RNLS: variants seen among roughly 807,000 people sequenced by gnomAD.
RNLS encodes renalase.
A neutral mutation model predicts 39.8 loss-of-function variants in RNLS; 39 were observed. That is an observed-to-expected ratio of 0.98 (90% CI 0.76 to 1.28). RNLS has a LOEUF of 1.28. Ranked by LOEUF, RNLS falls within the 50% of genes most tolerant of loss-of-function variation. The pLI is 0.00. For synonymous variants in RNLS, 147 were observed against 150.7 expected (o/e 0.98, Z 0.18); for missense variants, 410 against 413.3 (o/e 0.99, Z 0.07).
the RNLS span, among the ~76,000 whole-genome samples, chr10:88,194,659 A>T: frequency 6.6e-6 from 1 of 152,212 alleles, no homozygotes; most frequent in Admixed American, 6.5e-5. Context: ...TGTAAACCAC[A>T]TCTTCTGGAG....
intron 4 of RNLS, among the ~76,000 whole-genome samples, chr10:88,503,042 A>G (rs1187003626): frequency 1.3e-5 from 2 of 152,152 alleles, no homozygotes; most frequent in African/African-American, 4.8e-5. Context: ...ATCATTTTTT[A>G]TCTATCACTA....
At chr10:88,387,502 C>CAAAAAAAAAAAAAAAAAAAAAAAAAA (rs5786817) in intron 4 of RNLS, among the ~76,000 whole-genome samples, 2 of 70,114 alleles carry the variant, frequency 2.9e-5, no homozygotes, top group African/African-American at 6.2e-5. Flanking sequence ...GAGAACAGAG[C>CAAAAAAAAAAAAAAAAAAAAAAAAAA]AAAAAAAAAA....
At chr10:88,381,931 A>T (rs1320381416) in intron 4 of RNLS, among the ~76,000 whole-genome samples, 1 of 152,054 alleles carries the variant, frequency 6.6e-6, no homozygotes, top group Non-Finnish European at 1.5e-5. Context: ...AAATTATATG[A>T]AGTTCAAATT....
chr10:88,210,576 C>T, the RNLS span, among the ~76,000 whole-genome samples: 1 of 152,168 alleles, frequency 6.6e-6, no homozygotes, highest in African/African-American at 2.4e-5. Flanking sequence ...GCCTACATGA[C>T]ATTTACCACG....
chr10:88,341,379 T>C (rs1589598605), intron 5 of RNLS, among the ~76,000 whole-genome samples: 2 of 148,674 alleles, frequency 1.3e-5, no homozygotes, highest in South Asian at 4.2e-4. Flanking sequence ...ATATTGGCTG[T>C]ATCATTCACC....
At chr10:88,378,599 C>T (rs978934838) in intron 4 of RNLS, among the ~76,000 whole-genome samples, 3 of 152,154 alleles carry the variant, frequency 2.0e-5, no homozygotes, top group African/African-American at 7.2e-5. Context: ...GGCTCCTGCC[C>T]CTTACCCAGA....
rs116767649 is a variant in RNLS at position 88,349,079 on chromosome 10, G to A, written c.700+13473C>T. 2.7e-3 allele frequency among the ~76,000 whole-genome samples: 413 copies of A among 152,120 alleles called. 3 individuals carry two copies. Among genetic ancestry groups the A allele is most frequent in the African/African-American group, 9.5e-3 (396 of 41,494 alleles). Reference sequence around the variant, plus strand: ...GTCCTCAGTTCTTAGCACAATGCCTGGCACACAGAAGGAATTCAATACATA... The same window carrying A: ...GTCCTCAGTTCTTAGCACAATGCCTAGCACACAGAAGGAATTCAATACATA... On this transcript the variant is annotated intron_variant, in intron 5 of 6. Transcript: ENST00000331772.
chr10:88,273,947 A>C (rs968876337), exon 7 of RNLS: 1 of 152,240 alleles, frequency 6.6e-6, no homozygotes, highest in African/African-American at 2.4e-5. Context: ...ACACATACAT[A>C]AACATACATA....
intron 5 of RNLS, among the ~76,000 whole-genome samples, chr10:88,338,592 T>C (rs1847675900): frequency 6.6e-6 from 1 of 152,340 alleles, no homozygotes; most frequent in Admixed American, 6.5e-5. Context: ...AGTTTATCCC[T>C]AAAATAACAT....
At chr10:88,172,762 C>T in the RNLS span, among the ~76,000 whole-genome samples, 1 of 147,120 alleles carries the variant, frequency 6.8e-6, no homozygotes, top group South Asian at 2.1e-4. Context: ...GACTAATGTC[C>T]TGAAGCATGT....
chr10:88,425,713 C>G (rs1209523666), intron 4 of RNLS, among the ~76,000 whole-genome samples: 2 of 152,028 alleles, frequency 1.3e-5, no homozygotes, highest in African/African-American at 4.8e-5. Flanking sequence ...TGTTAAGTGA[C>G]AGCTAATTGG....
intron 4 of RNLS, among the ~76,000 whole-genome samples, chr10:88,501,037 G>GTA (rs1282363955): frequency 5.3e-5 from 8 of 150,834 alleles, no homozygotes; most frequent in South Asian, 2.1e-4. Flanking sequence ...GTGTGTGTGT[G>GTA]TATATATGTA....
intron 4 of RNLS, among the ~76,000 whole-genome samples, chr10:88,446,254 C>A (rs910029570): frequency 6.6e-6 from 1 of 152,178 alleles, no homozygotes; most frequent in African/African-American, 2.4e-5. Flanking sequence ...TAAAGATGTT[C>A]TTTGAAACCA....
intron 4 of RNLS, among the ~76,000 whole-genome samples, chr10:88,472,521 G>A (rs987532903): frequency 2.0e-5 from 3 of 152,158 alleles, no homozygotes; most frequent in African/African-American, 7.2e-5. Flanking sequence ...AAAATAGGTG[G>A]ACAAAGGTGA....
intron 4 of RNLS, among the ~76,000 whole-genome samples, chr10:88,396,724 T>C (rs1385051515): frequency 2.0e-5 from 3 of 148,154 alleles, no homozygotes; most frequent in African/African-American, 4.9e-5. Context: ...AAAAACCTGA[T>C]CCAACTCTAT....
chr10:88,309,665 A>G (rs1845209814), intron 6 of RNLS, among the ~76,000 whole-genome samples: 1 of 152,218 alleles, frequency 6.6e-6, no homozygotes, highest in African/African-American at 2.4e-5. Flanking sequence ...GAATAAAAGG[A>G]TAGAGTCAAA....
intron 4 of RNLS, among the ~76,000 whole-genome samples, chr10:88,501,768 CAAG>C (rs1263646802): frequency 1.3e-5 from 2 of 152,104 alleles, no homozygotes; most frequent in Non-Finnish European, 2.9e-5. Flanking sequence ...CAGCACTTGC[CAAG>C]ACTAGCTTGA....
At chr10:88,490,229 G>A (rs929956455) in intron 4 of RNLS, among the ~76,000 whole-genome samples, 3 of 152,080 alleles carry the variant, frequency 2.0e-5, no homozygotes, top group Non-Finnish European at 4.4e-5. Context: ...GTGCCTCAAC[G>A]TTATTTTGTA....
chr10:88,451,710 G>A (rs1362085511), intron 4 of RNLS, among the ~76,000 whole-genome samples: 1 of 152,090 alleles, frequency 6.6e-6, no homozygotes, highest in Non-Finnish European at 1.5e-5. Context: ...AATCAAGAGG[G>A]TCTATTCTCT....
Sources: allele counts gnomAD v4.1 joint callset (sites outside exome capture counted in the v4.1 genomes callset), GRCh38; gene constraint gnomAD v4.1.1; transcripts MANE v1.5; gene names NCBI Gene and HGNC (gene_info 2026-07-23, HGNC 2026-07-21).